Variants in ORC2 observed in about 807,000 individuals in gnomAD.
ORC2 encodes origin recognition complex protein 2 homolog.
Under a neutral mutation model 77.7 loss-of-function variants are expected in ORC2, and 37 were observed. That is an observed-to-expected ratio of 0.48 (90% CI 0.37 to 0.63). The LOEUF is 0.63. Among genes scored for constraint, ORC2 ranks in the 20% least tolerant of loss-of-function variants. The pLI, the probability that ORC2 is intolerant of heterozygous loss-of-function variation, is 0.00. For missense variants in ORC2, 557 were observed against 661.9 expected (o/e 0.84, Z 1.74); for synonymous variants, 201 against 229.5 (o/e 0.88, Z 1.12).
At chr2:200,963,172 A>T (rs2041612967) in intron 1 of ORC2, 1 of 336,110 alleles carries the variant, frequency 3.0e-6, no homozygotes, top group African/African-American at 2.1e-5. Context: ...AAGGCCTATA[A>T]CTGCGGGGCA....
chr2:200,939,280 A>C (rs972116277), intron 7 of ORC2, among the ~76,000 whole-genome samples: 2 of 152,132 alleles, frequency 1.3e-5, no homozygotes, highest in African/African-American at 4.8e-5. Context: ...TTCAAGATTG[A>C]GTATTGAGAT....
rs775608355 is a variant in ORC2 at position 200,959,432 on chromosome 2, TAC to T, written c.-53_-52del. 6 of 152,324 alleles carry T rather than the reference TAC, an allele frequency of 3.9e-5. No homozygotes were observed. Among genetic ancestry groups the T allele is most frequent in the Non-Finnish European group, 7.4e-5 (5 of 68,018 alleles). The allele number at this position is 152,324 out of a possible 1,614,324, so 9.4% of individuals were successfully genotyped here. A position where few individuals can be genotyped will look rare whatever the true frequency, so the allele number is the denominator to read the frequency against. On this transcript the variant is annotated 5_prime_UTR_variant, in exon 2 of 18. Coordinates refer to ENST00000234296, the MANE Select transcript of ORC2 (RefSeq NM_006190.5). ...ACATTCTGCAGCTGCAAAATTCAGA[TAC>T]AGTCACCTGTAATTGGAAAAATAAC...
rs772722646 is a variant in ORC2, at chr2:200,942,668, C to G, written c.421+17G>C. 7.1e-7 allele frequency: 1 copy of G among 1,406,452 alleles called. No individual in the cohort carries two copies. The highest frequency in any genetic ancestry group is 9.8e-7 in the Non-Finnish European group (1 of 1,018,080). The allele number at this position is 1,406,452 out of a possible 1,614,324, so 87.1% of individuals were successfully genotyped here. On this transcript the variant is annotated intron_variant, in intron 6 of 17. Coordinates refer to ENST00000234296, the MANE Select transcript of ORC2 (RefSeq NM_006190.5). Reference sequence around the variant, plus strand: ...AACTATGAAAATTCTTTTCAAAGAACTAATGTAATGTCTTACCCTTGCTAC... The same window carrying G: ...AACTATGAAAATTCTTTTCAAAGAAGTAATGTAATGTCTTACCCTTGCTAC...
At chr2:200,934,791 T>G (rs547441097) in intron 9 of ORC2, among the ~76,000 whole-genome samples, 2 of 152,202 alleles carry the variant, frequency 1.3e-5, no homozygotes, top group Admixed American at 6.5e-5. Context: ...ACACTATTTG[T>G]TCTTCTGATT....
chr2:200,953,411 GTTT>G (rs774446171), intron 4 of ORC2, among the ~76,000 whole-genome samples: 1 of 121,356 alleles, frequency 8.2e-6, no homozygotes, highest in South Asian at 2.3e-4. Flanking sequence ...AAGGGCTACT[GTTT>G]TTTTTTTTTT....
At position 200,921,126 on chromosome 2, in the gene ORC2, T is replaced by C. The variant is rs1186433546; in HGVS notation, c.1161A>G (p.Glu387=). The C allele has an allele frequency of 6.3e-7, 1 of 1,586,158 alleles. No individual in the cohort carries two copies. The highest frequency in any genetic ancestry group is 8.6e-7 in the Non-Finnish European group (1 of 1,166,428). ...VNKFKEDSSL[E]LFLLIHNLDS... is the part of the protein sequence containing the mutation. ...CCAAATTGTGGATGAGAAGGAAGAG[T>C]TCTAAAGAAGAATCTAAAAAGAAAA... Residue 387 remains glutamate, a synonymous_variant, in exon 14 of 18, where the codon GAA becomes GAG. Transcript: ENST00000234296.
chr2:200,918,549 C>T (rs1441984277), intron 15 of ORC2, among the ~76,000 whole-genome samples: 2 of 149,808 alleles, frequency 1.3e-5, no homozygotes, highest in Non-Finnish European at 1.5e-5. Context: ...AGTGCAGTGG[C>T]GTGATCTTGG....
At chr2:200,935,927 A>G (rs757107933) in intron 8 of ORC2, 35 bp from the exon 9 acceptor site, 11 of 1,584,000 alleles carry the variant, frequency 6.9e-6, no homozygotes, top group Non-Finnish European at 8.6e-7. Flanking sequence ...GGACAATTTC[A>G]TGGTTTGACA....
intron 5 of ORC2, among the ~76,000 whole-genome samples, chr2:200,947,659 TTA>T (rs1478530261): frequency 6.6e-6 from 1 of 152,202 alleles, no homozygotes; most frequent in Non-Finnish European, 1.5e-5. Context: ...TTCACATATA[TTA>T]TTTCCCTTCC....
intron 13 of ORC2, among the ~76,000 whole-genome samples, chr2:200,922,879 T>C (rs755330902): frequency 1.6e-4 from 24 of 152,202 alleles, no homozygotes; most frequent in Admixed American, 6.5e-5. Flanking sequence ...AGAACTTATG[T>C]TGAAAACTAA....
chr2:200,950,044 C>T (rs902724236), intron 4 of ORC2, among the ~76,000 whole-genome samples: 1 of 151,952 alleles, frequency 6.6e-6, no homozygotes, highest in Non-Finnish European at 1.5e-5. Flanking sequence ...ATGGTAGAAG[C>T]TTTCTTGGCC....
intron 5 of ORC2, among the ~76,000 whole-genome samples, chr2:200,948,291 CTCCTG>C (rs1472607720): frequency 6.6e-6 from 1 of 152,120 alleles, no homozygotes. Flanking sequence ...TCAAGCGATC[CTCCTG>C]TCTTGGCCAC....
At chr2:200,911,471 A>T in intron 17 of ORC2, 84 bp from the exon 18 acceptor site, 1 of 714,150 alleles carries the variant, frequency 1.4e-6, no homozygotes, top group Non-Finnish European at 2.3e-6. Flanking sequence ...AGAAAAAATG[A>T]ATTTATTTCT....
chr2:200,957,566 T>TA, intron 3 of ORC2, 22 bp from the exon 4 acceptor site: 1 of 1,564,250 alleles, frequency 6.4e-7, no homozygotes, highest in Non-Finnish European at 8.6e-7. Context: ...TCCAAAGAAA[T>TA]AGAGCATGAC....
At chr2:200,956,068 T>C (rs1166187134) in intron 4 of ORC2, among the ~76,000 whole-genome samples, 2 of 152,020 alleles carry the variant, frequency 1.3e-5, no homozygotes, top group African/African-American at 2.4e-5. Flanking sequence ...TATAAATATC[T>C]TTTTTTTGTT....
rs1248458225 is a variant in ORC2 at position 200,909,535 on chromosome 2, C to G, written c.*1766G>C. The G allele has an allele frequency of 6.6e-6, 1 of 151,854 alleles. No homozygotes were observed. The highest frequency in any genetic ancestry group is 6.6e-5 in the Admixed American group (1 of 15,202). The allele number at this position is 151,854 out of a possible 1,614,324, so 9.4% of individuals were successfully genotyped here. Reference sequence around the variant, plus strand: ...CCTGGCCAACATGGTGAAACCCCATCTCTGCTAAAAATTCAAAAACTAGCC... The same window carrying G: ...CCTGGCCAACATGGTGAAACCCCATGTCTGCTAAAAATTCAAAAACTAGCC... On this transcript the variant is annotated 3_prime_UTR_variant, in exon 18 of 18. Coordinates refer to ENST00000234296, the MANE Select transcript of ORC2 (RefSeq NM_006190.5).
chr2:200,963,468 GC>G, intron 1 of ORC2, 21 bp downstream of exon 1: 1 of 398,672 alleles, frequency 2.5e-6, no homozygotes, highest in Non-Finnish European at 4.4e-6. Flanking sequence ...GAGGCAGGCT[GC>G]CCCGACACCC....
At chr2:200,926,937 A>AGCTCTCCCTCTCCCT in intron 11 of ORC2, 37 bp from the exon 12 acceptor site, 1 of 1,591,428 alleles carries the variant, frequency 6.3e-7, no homozygotes, top group Non-Finnish European at 8.6e-7. Flanking sequence ...ATTAAACTTC[A>AGCTCTCCCTCTCCCT]ATACCTCTTA....
At chr2:200,934,480 A>G (rs2040998641) in intron 9 of ORC2, among the ~76,000 whole-genome samples, 2 of 151,272 alleles carry the variant, frequency 1.3e-5, no homozygotes, top group Admixed American at 1.3e-4. Context: ...ACACCTGACT[A>G]ATTTTTTAAA....
Sources: allele counts gnomAD v4.1 joint callset (sites outside exome capture counted in the v4.1 genomes callset), GRCh38; gene constraint gnomAD v4.1.1; transcripts MANE v1.5; gene names NCBI Gene and HGNC (gene_info 2026-07-23, HGNC 2026-07-21).